Variants in FRMPD2 observed in about 807,000 individuals in gnomAD.
FRMPD2 encodes FERM and PDZ domain-containing protein 2.
In FRMPD2, 96 loss-of-function variants were observed where a neutral mutation model predicts 140.1. The observed-to-expected ratio is 0.69, with a 90% CI of 0.58 to 0.81. The LOEUF (loss-of-function observed/expected upper bound fraction) is 0.81, where lower values mean the gene tolerates loss of function less well. Among genes scored for constraint, FRMPD2 ranks in the 40% least tolerant of loss-of-function variants. The pLI, the probability that FRMPD2 is intolerant of heterozygous loss-of-function variation, is 0.00. For synonymous variants in FRMPD2, 449 were observed against 547.6 expected (o/e 0.82, Z 2.52); for missense variants, 1,240 against 1,447.4 (o/e 0.86, Z 2.32).
chr10:48,247,278 C>T (rs1183585179), intron 3 of FRMPD2, among the ~76,000 whole-genome samples: 1 of 152,232 alleles, frequency 6.6e-6, no homozygotes, highest in African/African-American at 2.4e-5. Flanking sequence ...GAGGGTGATG[C>T]CTGATCCTAA....
intron 28 of FRMPD2, chr10:48,158,806 C>A (rs1365221722): frequency 3.9e-6 from 1 of 259,688 alleles, no homozygotes; most frequent in Non-Finnish European, 7.4e-6. Context: ...GAACCAGGGT[C>A]CCCACCAAGT....
At chr10:48,219,894 A>C (rs1839541202) in intron 12 of FRMPD2, among the ~76,000 whole-genome samples, 1 of 152,256 alleles carries the variant, frequency 6.6e-6, no homozygotes. Context: ...CAGAAAAATC[A>C]GTATTGGCCT....
intron 13 of FRMPD2, among the ~76,000 whole-genome samples, chr10:48,211,534 G>C (rs1839323212): frequency 6.6e-6 from 1 of 152,116 alleles, no homozygotes; most frequent in South Asian, 2.1e-4. Flanking sequence ...TGTAGTCCCA[G>C]CACTTTGGGA....
At chr10:48,172,631 A>G (rs1838290426) in intron 25 of FRMPD2, among the ~76,000 whole-genome samples, 1 of 151,252 alleles carries the variant, frequency 6.6e-6, no homozygotes, top group Non-Finnish European at 1.5e-5. Flanking sequence ...CTGAAAGTGT[A>G]TGACCCTTTC....
chr10:48,232,304 A>T lies in FRMPD2; in HGVS notation c.994-15T>A. ...CCTTTTTTGGTCTGAAAACAACAAC[A>T]GTATCAATTATACTACAATTATAAG... On this transcript the variant is annotated splice_polypyrimidine_tract_variant and intron_variant, in intron 9 of 28. Transcript: ENST00000374201. The T allele has an allele frequency of 6.3e-7, 1 of 1,584,560 alleles. No individual in the cohort carries two copies. The highest frequency in any genetic ancestry group is 8.6e-7 in the Non-Finnish European group (1 of 1,160,440).
Position 48,238,031 on chromosome 10 carries a change from G to C in FRMPD2, c.881C>G (p.Thr294Arg). 2 of 1,614,158 alleles carry C rather than the reference G, an allele frequency of 1.2e-6. No homozygotes were observed. ...VHSAADSSWP[T>R]TPSQRGFLQR... The stretch of plus-strand genomic sequence containing the variant: ...CAGAAAACCCCTCTGAGAAGGAGTT[G>C]TTGGCCATGAGCTGTCTGCTGCCGA... Residue 294 changes from threonine to arginine, a missense_variant, in exon 8 of 29, where the codon ACA becomes AGA. Transcript: ENST00000374201.
rs142720848 is a variant in FRMPD2 at position 48,240,425 on chromosome 10, C to T, written c.635G>A (p.Arg212Lys). 118 of 1,613,690 alleles carry T rather than the reference C, an allele frequency of 7.3e-5. 1 individual carries two copies. In the East Asian group the frequency reaches 8.0e-4, roughly 11 times the overall value. ...QQNRSYLLRK[R>K]LRGTSSESPA... Reference sequence around the variant, plus strand: ...GCTCTCGCTGCTTGTCCCACGCAGCCTCTTCCTGAGCAGGTAGCTTCTGTT... The same window carrying T: ...GCTCTCGCTGCTTGTCCCACGCAGCTTCTTCCTGAGCAGGTAGCTTCTGTT... Residue 212 changes from arginine to lysine, a missense_variant, in exon 6 of 29, where the codon AGG (arginine) becomes AAG (lysine). Arg to Lys is a conservative substitution (Grantham distance 26). Coordinates refer to ENST00000374201, the MANE Select transcript of FRMPD2 (RefSeq NM_001018071.4).
At chr10:48,264,402 T>C (rs918772162) in intron 1 of FRMPD2, among the ~76,000 whole-genome samples, 6 of 152,122 alleles carry the variant, frequency 3.9e-5, no homozygotes, top group Admixed American at 3.9e-4. Context: ...AAAAACCTCC[T>C]AAAACTAATA....
chr10:48,241,036 T>C (rs1840092956), intron 5 of FRMPD2, among the ~76,000 whole-genome samples: 1 of 152,222 alleles, frequency 6.6e-6, no homozygotes, highest in Non-Finnish European at 1.5e-5. Flanking sequence ...GTCAGTACAC[T>C]GTCTATCCAA....
chr10:48,265,685 C>T (rs1263925375), intron 1 of FRMPD2, among the ~76,000 whole-genome samples: 2 of 152,068 alleles, frequency 1.3e-5, no homozygotes, highest in African/African-American at 4.8e-5. Context: ...TCACACTGGT[C>T]AGAATGGCTA....
At chr10:48,192,340 G>A (rs1838848754) in intron 16 of FRMPD2, among the ~76,000 whole-genome samples, 1 of 152,136 alleles carries the variant, frequency 6.6e-6, no homozygotes, top group Admixed American at 6.5e-5. Context: ...CTAGCACTTT[G>A]GGAGGCCGAG....
intron 15 of FRMPD2, among the ~76,000 whole-genome samples, chr10:48,193,812 T>C (rs923378415): frequency 1.3e-5 from 2 of 152,158 alleles, no homozygotes; most frequent in African/African-American, 4.8e-5. Flanking sequence ...ATTTCAAGGA[T>C]ATCCATGGGC....
chr10:48,253,785 T>C (rs1454763388), intron 1 of FRMPD2, among the ~76,000 whole-genome samples: 1 of 151,982 alleles, frequency 6.6e-6, no homozygotes, highest in Non-Finnish European at 1.5e-5. Context: ...ATAAAGATAA[T>C]AACATAGGTA....
rs754581378 is a variant in FRMPD2 at position 48,187,165 on chromosome 10, A to G, written c.2266+27T>C. ...TTCCTGCGTAGGGGTTCCTCCACCC[A>G]AGACCTGGTCGTGGCCTGGCCCATA... is the stretch of plus-strand genomic sequence containing the variant. On this transcript the variant is annotated intron_variant, in intron 17 of 28. Transcript: ENST00000374201. 9 of 1,566,350 alleles carry G rather than the reference A, an allele frequency of 5.7e-6. No homozygotes were observed. The South Asian group carries it at 9.1e-5, about 16-fold the overall frequency.
chr10:48,253,827 T>G (rs1205436792), intron 1 of FRMPD2, among the ~76,000 whole-genome samples: 1 of 152,202 alleles, frequency 6.6e-6, no homozygotes, highest in East Asian at 1.9e-4. Context: ...GTATTTTGAT[T>G]GGAACCCTTT....
At chr10:48,214,945 G>A (rs1386646860) in intron 12 of FRMPD2, among the ~76,000 whole-genome samples, 1 of 152,222 alleles carries the variant, frequency 6.6e-6, no homozygotes, top group Non-Finnish European at 1.5e-5. Context: ...TGAATGTGGT[G>A]AAGTTCACAA....
Position 48,240,385 on chromosome 10 carries a change from G to A in FRMPD2, c.675C>T (p.Ala225=). Residue 225 remains alanine (A), a synonymous_variant, in exon 6 of 29, where the codon GCC becomes GCT. Transcript: ENST00000374201. ...GTSSESPAAQ[A]PECLHPCRVS... is the part of the protein sequence containing the mutation. ...CTCTGCAAGGATGCAGACACTCCGG[G>A]GCCTGTGCCGCTGGGCTCTCGCTGC... 6.2e-7 allele frequency: 1 copy of A among 1,612,866 alleles called. No homozygotes were observed.
intron 3 of FRMPD2, among the ~76,000 whole-genome samples, chr10:48,247,352 G>T (rs1387019485): frequency 6.6e-6 from 1 of 152,240 alleles, no homozygotes; most frequent in East Asian, 1.9e-4. Flanking sequence ...ATCAGAAAGT[G>T]GAGCCTGAGG....
chr10:48,257,323 T>A (rs426153), intron 1 of FRMPD2, among the ~76,000 whole-genome samples: 18,524 of 151,910 alleles, frequency 0.12, 3,793 homozygotes, highest in African/African-American at 0.42. Flanking sequence ...TCTCTCGCCC[T>A]GGCTGGAGTG....
Sources: gnomAD v4.1 joint callset for allele counts (sites outside exome capture counted in the v4.1 genomes callset) on GRCh38, gnomAD v4.1.1 for gene constraint, MANE v1.5 for transcripts, NCBI Gene and HGNC (gene_info 2026-07-23, HGNC 2026-07-21) for gene names.